Variants in ADAM12 observed in about 807,000 individuals in gnomAD.
ADAM12 encodes disintegrin and metalloproteinase domain-containing protein 12.
ADAM12 carries 70 observed loss-of-function variants against 106.4 expected under a neutral mutation model. That is an observed-to-expected ratio of 0.66 (90% CI 0.54 to 0.80). ADAM12 has a LOEUF of 0.80. Ranked by LOEUF, ADAM12 falls within the 30% of genes least tolerant of loss-of-function variation. The probability of loss-of-function intolerance (pLI) is 0.00; values close to 1 mark genes in which losing one functional copy is unlikely to be tolerated. For synonymous variants in ADAM12, 420 were observed against 433.5 expected, an observed-to-expected ratio of 0.97 and a Z score of 0.39; for missense variants, 1,010 against 1,171.9, an observed-to-expected ratio of 0.86 and a Z score of 2.02.
At chr10:126,272,559 T>C (rs1321064741) in intron 3 of ADAM12, among the ~76,000 whole-genome samples, 1 of 152,184 alleles carries the variant, frequency 6.6e-6, no homozygotes, top group East Asian at 1.9e-4. Context: ...CAGTTAATAG[T>C]AGAAGGGAAG....
At chr10:126,082,003 A>G (rs1292392004) in intron 11 of ADAM12, among the ~76,000 whole-genome samples, 1 of 152,360 alleles carries the variant, frequency 6.6e-6, no homozygotes, top group East Asian at 1.9e-4. Context: ...GTTAAAGATC[A>G]TTCCCTCCGT....
intron 1 of ADAM12, among the ~76,000 whole-genome samples, chr10:126,341,149 C>T (rs1373040133): frequency 6.6e-6 from 1 of 152,132 alleles, no homozygotes; most frequent in South Asian, 2.1e-4. Context: ...AATACTTTTC[C>T]TCCCAACCCA....
chr10:126,383,209 C>A (rs1035672629), intron 1 of ADAM12, among the ~76,000 whole-genome samples: 1 of 152,120 alleles, frequency 6.6e-6, no homozygotes, highest in Non-Finnish European at 1.5e-5. Context: ...AAGCAATCCT[C>A]CTGCCTCAGC....
intron 3 of ADAM12, among the ~76,000 whole-genome samples, chr10:126,256,285 G>A (rs1958891092): frequency 6.6e-6 from 1 of 152,172 alleles, no homozygotes; most frequent in African/African-American, 2.4e-5. Context: ...GAGTCCTATG[G>A]CTCTGTAACA....
At chr10:126,233,202 C>T (rs983122583) in intron 3 of ADAM12, among the ~76,000 whole-genome samples, 6 of 152,116 alleles carry the variant, frequency 3.9e-5, no homozygotes, top group Admixed American at 2.0e-4. Flanking sequence ...GGGCAGAACC[C>T]GGAGGGCACC....
chr10:126,194,717 T>C (rs1957565361), intron 3 of ADAM12, among the ~76,000 whole-genome samples: 1 of 152,368 alleles, frequency 6.6e-6, no homozygotes, highest in Middle Eastern at 3.4e-3. Context: ...GGAAGCAAAA[T>C]TGCTCATTCA....
intron 1 of ADAM12, among the ~76,000 whole-genome samples, chr10:126,387,275 C>A (rs1856696768): frequency 6.6e-6 from 1 of 152,148 alleles, no homozygotes; most frequent in African/African-American, 2.4e-5. Context: ...ACGGGAGCCA[C>A]AGGTGCCCGA....
At chr10:126,107,372 C>G (rs1955793208) in intron 8 of ADAM12, among the ~76,000 whole-genome samples, 1 of 152,180 alleles carries the variant, frequency 6.6e-6, no homozygotes, top group South Asian at 2.1e-4. Flanking sequence ...CCTACACAGC[C>G]TTGACGTTCT....
intron 2 of ADAM12, among the ~76,000 whole-genome samples, chr10:126,287,073 C>T (rs746569933): frequency 6.6e-6 from 1 of 152,196 alleles, no homozygotes; most frequent in East Asian, 1.9e-4. Flanking sequence ...TTTGTCCCGT[C>T]GCTACCGGTG....
intron 21 of ADAM12, among the ~76,000 whole-genome samples, chr10:126,026,327 A>G (rs1176664074): frequency 6.6e-6 from 1 of 152,204 alleles, no homozygotes; most frequent in Non-Finnish European, 1.5e-5. Flanking sequence ...CCAGATTCAG[A>G]GAGCAAATTC....
rs1237454500 is a variant in ADAM12, at chr10:126,049,515, G to C, written c.1718+46C>G. On this transcript the variant is annotated intron_variant, in intron 15 of 22. Transcript: ENST00000448723. The surrounding 1 kb of genome is among the most constrained non-coding windows in gnomAD (Gnocchi z 4.4). ...ATTTGGAACCAACCCTATGCAATGT[G>C]GGAAGGTCAGAGCAAAGACTTTGCC... The C allele has an allele frequency of 6.2e-7, 1 of 1,613,558 alleles. No individual in the cohort carries two copies. Among genetic ancestry groups the C allele is most frequent in the East Asian group, 2.2e-5 (1 of 44,872 alleles).
At chr10:126,270,714 G>A (rs1959170696) in intron 3 of ADAM12, among the ~76,000 whole-genome samples, 1 of 152,160 alleles carries the variant, frequency 6.6e-6, no homozygotes, top group African/African-American at 2.4e-5. Context: ...GATGCTGGTG[G>A]TCTTGAAGCA....
intron 4 of ADAM12, among the ~76,000 whole-genome samples, chr10:126,140,073 C>T (rs938887379): frequency 6.6e-6 from 1 of 152,148 alleles, no homozygotes; most frequent in Admixed American, 6.6e-5. Context: ...AAGCGGAAGA[C>T]AATGCAGAGA....
intron 4 of ADAM12, among the ~76,000 whole-genome samples, chr10:126,145,825 T>C (rs1428144899): frequency 6.6e-6 from 1 of 152,254 alleles, no homozygotes; most frequent in Admixed American, 6.5e-5. Context: ...TAAACATTTG[T>C]TGAATTAGTG....
At chr10:126,341,875 A>C (rs979055151) in intron 1 of ADAM12, among the ~76,000 whole-genome samples, 2 of 152,220 alleles carry the variant, frequency 1.3e-5, no homozygotes, top group African/African-American at 4.8e-5. Flanking sequence ...GTTAACTCTT[A>C]AATGCCTTTT....
chr10:126,387,175 G>C (rs1022244564), intron 1 of ADAM12, among the ~76,000 whole-genome samples: 5 of 152,220 alleles, frequency 3.3e-5, no homozygotes, highest in African/African-American at 1.2e-4. Context: ...CAGCGCCCCG[G>C]GCGGCAGAAA....
chr10:126,235,327 T>C lies in ADAM12; in HGVS notation c.260+43588A>G, dbSNP rs146320898. On this transcript the variant is annotated intron_variant, in intron 3 of 22. Coordinates refer to ENST00000448723, the MANE Select transcript of ADAM12 (RefSeq NM_001288973.2). ...CCTGGGTGTGTCGGAGGAGGCTCCA[T>C]TGCCTCCAGGCAGCAACACAACAAA... Among the ~76,000 whole-genome samples the C allele has an allele frequency of 2.4e-3, 363 of 152,292 alleles. 4 individuals carry two copies. Among genetic ancestry groups the C allele is most frequent in the African/African-American group, 8.2e-3 (340 of 41,564 alleles).
At chr10:126,342,321 T>G (rs1854959731) in intron 1 of ADAM12, among the ~76,000 whole-genome samples, 1 of 152,232 alleles carries the variant, frequency 6.6e-6, no homozygotes. Flanking sequence ...GGCCATTGAA[T>G]TTGGAGGACC....
intron 1 of ADAM12, among the ~76,000 whole-genome samples, chr10:126,338,855 C>T (rs990269342): frequency 1.3e-5 from 2 of 152,148 alleles, no homozygotes; most frequent in Non-Finnish European, 2.9e-5. Context: ...AGCAAAACAA[C>T]AAGAATGGAA....
Sources: gnomAD v4.1 joint callset for allele counts (sites outside exome capture counted in the v4.1 genomes callset) on GRCh38, gnomAD v4.1.1 for gene constraint, Gnocchi (gnomAD v3.1) non-coding constraint, MANE v1.5 for transcripts, NCBI Gene and HGNC (gene_info 2026-07-23, HGNC 2026-07-21) for gene names.